PRMT9: variants seen among roughly 807,000 people sequenced by gnomAD.
PRMT9 encodes the protein protein arginine methyltransferase 9.
In PRMT9, 59 loss-of-function variants were observed where a neutral mutation model predicts 83.2. That is an observed-to-expected ratio of 0.71 (90% CI 0.57 to 0.88). The LOEUF (loss-of-function observed/expected upper bound fraction) is 0.88, where lower values mean the gene tolerates loss of function less well. PRMT9 is among the 40% of genes least tolerant of loss of function. The probability of loss-of-function intolerance (pLI) is 0.00; values close to 1 mark genes in which losing one functional copy is unlikely to be tolerated. For synonymous variants in PRMT9, 333 were observed against 353.2 expected, an observed-to-expected ratio of 0.94 and a Z score of 0.64; for missense variants, 947 against 1,021.9, an observed-to-expected ratio of 0.93 and a Z score of 1.00.
chr4:147,646,639 C>T (rs937740964), intron 9 of PRMT9, among the ~76,000 whole-genome samples: 1 of 118,328 alleles, frequency 8.5e-6, no homozygotes, highest in African/African-American at 3.2e-5. Flanking sequence ...AAACTTCTGA[C>T]ACAAAGTGGT....
Position 147,653,943 on chromosome 4 carries a change from A to AT in PRMT9, c.1953dup (p.Ser652IlefsTer14). On this transcript the variant is annotated frameshift_variant, in exon 9 of 12. Coordinates refer to ENST00000322396, the MANE Select transcript of PRMT9 (RefSeq NM_138364.4). LOFTEE classifies it high-confidence loss of function. ...ATAATTATGCTCCATAACTTGTCTG[A>AT]TTTTGGCCTTTGTAACATAGCAGAT... is the stretch of plus-strand genomic sequence containing the variant. 1 of 1,614,152 alleles carries AT rather than the reference A, an allele frequency of 6.2e-7. No homozygotes were observed. Among genetic ancestry groups the AT allele is most frequent in the Non-Finnish European group, 8.5e-7 (1 of 1,180,008 alleles).
chr4:147,644,532 T>C (rs1321478760), intron 9 of PRMT9, among the ~76,000 whole-genome samples: 2 of 105,018 alleles, frequency 1.9e-5, no homozygotes, highest in Non-Finnish European at 3.7e-5. Context: ...GGAACACTGC[T>C]TATGGTTAAA....
In PRMT9 at chr4:147,640,093, T is replaced by TTTTTTA. The variant is rs1225892861; in HGVS notation, c.2200-1012_2200-1011insTAAAAA. On this transcript the variant is annotated intron_variant, in intron 10 of 11. Transcript: ENST00000322396. Reference sequence around the variant, plus strand: ...TTTTTTTTTTTTTTTTTTTTTTTAATATAGGGTCTCACTCTGTTCCCCAGG... The same window carrying TTTTTTA: ...TTTTTTTTTTTTTTTTTTTTTTTAATTTTTTAATAGGGTCTCACTCTGTTCCCCAGG... Among the ~76,000 whole-genome samples, 3 of 18,566 alleles carry TTTTTTA rather than the reference T, an allele frequency of 1.6e-4. 1 individual carries two copies. The highest frequency in any genetic ancestry group is 7.5e-4 in the Non-Finnish European group (3 of 3,978). 12.2% of individuals were successfully genotyped at this position (18,566 alleles called of 152,430 possible).
rs557146330 is a variant in PRMT9 at position 147,649,424 on chromosome 4, C to A, written c.2045+4428G>T. 5.7e-3 allele frequency among the ~76,000 whole-genome samples: 871 copies of A among 151,900 alleles called. 11 individuals are homozygous for A. The highest frequency in any genetic ancestry group is 0.019 in the African/African-American group (808 of 41,466). On this transcript the variant is annotated intron_variant, in intron 9 of 11. Coordinates refer to ENST00000322396, the MANE Select transcript of PRMT9 (RefSeq NM_138364.4). Reference sequence around the variant, plus strand: ...CCATAGCCATGGTTTTTTAAAAAAACAAAAAACGAAAGAGCTTACCAAACC... The same window carrying A: ...CCATAGCCATGGTTTTTTAAAAAAAAAAAAAACGAAAGAGCTTACCAAACC...
At chr4:147,664,447 A>G (rs1350678792) in intron 6 of PRMT9, among the ~76,000 whole-genome samples, 1 of 152,144 alleles carries the variant, frequency 6.6e-6, no homozygotes, top group East Asian at 1.9e-4. Flanking sequence ...AGGTAGGCCA[A>G]TTGTTTTACA....
intron 9 of PRMT9, among the ~76,000 whole-genome samples, chr4:147,652,043 TAGA>T (rs1039423662): frequency 8.5e-5 from 13 of 152,116 alleles, no homozygotes; most frequent in African/African-American, 2.7e-4. Flanking sequence ...TTCGCACACA[TAGA>T]AGAATTTGCA....
chr4:147,657,659 T>C, intron 8 of PRMT9, 133 bp downstream of exon 8: 1 of 688,688 alleles, frequency 1.5e-6, no homozygotes, highest in Non-Finnish European at 2.6e-6. Context: ...TGAAAAAAAA[T>C]GAAGTTCTGA....
chr4:147,638,263 T>A lies in PRMT9; in HGVS notation c.*269A>T, dbSNP rs1733143212. Reference sequence around the variant, plus strand: ...CACATGTCAATAACGATAAGACTTTTAAAATCCCTATTCTGTAAAATCGAG... The same window carrying A: ...CACATGTCAATAACGATAAGACTTTAAAAATCCCTATTCTGTAAAATCGAG... On this transcript the variant is annotated 3_prime_UTR_variant, in exon 12 of 12. Transcript: ENST00000322396. The A allele has an allele frequency of 4.6e-6, 2 of 438,848 alleles. No individual in the cohort carries two copies. Among genetic ancestry groups the A allele is most frequent in the Non-Finnish European group, 4.1e-6 (1 of 241,468 alleles). 27.2% of individuals were successfully genotyped at this position (438,848 alleles called of 1,614,324 possible). A position where few individuals can be genotyped will look rare whatever the true frequency, so the allele number is the denominator to read the frequency against.
chr4:147,665,771 A>G (rs975459871), intron 6 of PRMT9, among the ~76,000 whole-genome samples: 2 of 152,200 alleles, frequency 1.3e-5, no homozygotes, highest in Non-Finnish European at 1.5e-5. Flanking sequence ...TTGTCTATAC[A>G]TGTACCTTAA....
Position 147,666,465 on chromosome 4 carries a change from T to A in PRMT9, c.953+2074A>T, listed in dbSNP as rs1735337525. 2.0e-5 allele frequency among the ~76,000 whole-genome samples: 3 copies of A among 152,168 alleles called. No homozygotes were observed. The South Asian group carries it at 6.2e-4, about 31-fold the overall frequency. On this transcript the variant is annotated intron_variant, in intron 6 of 11. Transcript: ENST00000322396. The stretch of plus-strand genomic sequence containing the variant: ...CCATTTCCATTTCCTGAATAGTTTA[T>A]CCCTTCCCCCAATGATCTGAAATAT...
chr4:147,680,215 A>T, intron 2 of PRMT9, 108 bp downstream of exon 2: 1 of 1,023,534 alleles, frequency 9.8e-7, no homozygotes, highest in Non-Finnish European at 1.5e-6. Flanking sequence ...AATTCTCCTT[A>T]ATAATTCTCC....
At chr4:147,651,199 A>G (rs1470415956) in intron 9 of PRMT9, among the ~76,000 whole-genome samples, 3 of 152,198 alleles carry the variant, frequency 2.0e-5, no homozygotes, top group Non-Finnish European at 1.5e-5. Flanking sequence ...AAAAACATGT[A>G]TATTTTTATA....
chr4:147,667,678 T>C (rs1226624359), intron 6 of PRMT9, among the ~76,000 whole-genome samples: 1 of 152,220 alleles, frequency 6.6e-6, no homozygotes, highest in Non-Finnish European at 1.5e-5. Context: ...CACTTATCAG[T>C]ATGTCCTAAA....
chr4:147,664,574 C>CT (rs1735191103), intron 6 of PRMT9, among the ~76,000 whole-genome samples: 1 of 152,122 alleles, frequency 6.6e-6, no homozygotes, highest in Non-Finnish European at 1.5e-5. Context: ...CTGGAGCAAT[C>CT]TTACTGTTGA....
chr4:147,672,865 T>C, intron 4 of PRMT9, 94 bp downstream of exon 4: 1 of 958,166 alleles, frequency 1.0e-6, no homozygotes, highest in Non-Finnish European at 1.7e-6. Flanking sequence ...ATAAGGGTTT[T>C]GTAGCATTTT....
chr4:147,641,982 C>T (rs932739225), intron 10 of PRMT9, among the ~76,000 whole-genome samples: 1 of 152,076 alleles, frequency 6.6e-6, no homozygotes, highest in Non-Finnish European at 1.5e-5. Context: ...GTCTTGACTC[C>T]TTATTTCCTA....
chr4:147,680,632 A>C (rs1156933132), intron 1 of PRMT9, among the ~76,000 whole-genome samples, 161 bp from the exon 2 acceptor site: 1 of 152,262 alleles, frequency 6.6e-6, no homozygotes, highest in African/African-American at 2.4e-5. Context: ...GAACAAGTGC[A>C]CAAATGAATG....
At chr4:147,664,975 C>T (rs370820014) in intron 6 of PRMT9, among the ~76,000 whole-genome samples, 15 of 151,570 alleles carry the variant, frequency 9.9e-5, no homozygotes, top group East Asian at 9.7e-4. Flanking sequence ...AAAAATCAGC[C>T]GGGCATGGTG....
At chr4:147,648,068 T>G (rs1488603708) in intron 9 of PRMT9, among the ~76,000 whole-genome samples, 2 of 152,348 alleles carry the variant, frequency 1.3e-5, no homozygotes, top group East Asian at 3.9e-4. Flanking sequence ...GTGATTATAA[T>G]AAGATACATA....
Sources: allele counts gnomAD v4.1 joint callset (sites outside exome capture counted in the v4.1 genomes callset), GRCh38; gene constraint gnomAD v4.1.1; transcripts MANE v1.5; gene names NCBI Gene and HGNC (gene_info 2026-07-23, HGNC 2026-07-21).